The following NACC2 variants were observed in gnomAD, a reference collection of about 807,000 sequenced individuals.
NACC2 encodes nucleus accumbens-associated protein 2.
In NACC2, 8 loss-of-function variants were observed where a neutral mutation model predicts 25.1. That is an observed-to-expected ratio of 0.32 (90% CI 0.19 to 0.57). The LOEUF is 0.57. Ranked by LOEUF, NACC2 falls within the 20% of genes least tolerant of loss-of-function variation. The probability of loss-of-function intolerance (pLI) is 0.89; values close to 1 mark genes in which losing one functional copy is unlikely to be tolerated. For missense variants in NACC2, 644 were observed against 650.2 expected, an observed-to-expected ratio of 0.99 and a Z score of 0.10; for synonymous variants, 435 against 294.7, an observed-to-expected ratio of 1.48 and a Z score of -4.88.
intron 1 of NACC2, among the ~76,000 whole-genome samples, chr9:136,083,152 C>CG (rs1470572453): frequency 1.3e-5 from 2 of 152,216 alleles, no homozygotes; most frequent in East Asian, 3.8e-4. Flanking sequence ...CCTGCTGGAG[C>CG]GGAGGCTGTT....
chr9:136,050,501 G>T lies in NACC2; in HGVS notation c.21C>A (p.Ile7=), dbSNP rs1288189316. 1.2e-5 allele frequency: 9 copies of T among 763,910 alleles called. No homozygotes were observed. The highest frequency in any genetic ancestry group is 3.4e-5 in the Admixed American group (2 of 58,944). The allele number at this position is 763,910 out of a possible 1,614,324, so 47.3% of individuals were successfully genotyped here. Residue 7 remains isoleucine, a synonymous_variant, in exon 2 of 6, where the codon ATC becomes ATA. Transcript: ENST00000277554. MSQMLH[I]EIPNFGNTVL... The stretch of plus-strand genomic sequence containing the variant: ...CTGTGTTCCCGAAGTTGGGGATCTC[G>T]ATGTGCAGCATCTGAGACATGGCGG...
rs984345300 is a variant in NACC2 at position 136,041,219 on chromosome 9, C to T, written c.886+8417G>A. Among the ~76,000 whole-genome samples the T allele has an allele frequency of 1.4e-4, 22 of 152,180 alleles. No individual in the cohort carries two copies. In the South Asian group the frequency reaches 2.9e-3, roughly 20 times the overall value. On this transcript the variant is annotated intron_variant, in intron 2 of 5. Transcript: ENST00000277554. ...GGCAGATCACTTGAGGTCAGGAGTT[C>T]GAGACCAGGCTGGCCAATGTGGTGA...
intron 1 of NACC2, among the ~76,000 whole-genome samples, chr9:136,057,690 G>T (rs573092114): frequency 6.6e-6 from 1 of 152,172 alleles, no homozygotes; most frequent in African/African-American, 2.4e-5. Flanking sequence ...CCCCTGCACC[G>T]GCTCGGCCGG....
At chr9:136,047,157 C>T (rs1840742412) in intron 2 of NACC2, among the ~76,000 whole-genome samples, 1 of 152,112 alleles carries the variant, frequency 6.6e-6, no homozygotes, top group African/African-American at 2.4e-5. Context: ...CACGGCCTGG[C>T]GAGGGCAGCA....
chr9:136,022,014 C>T lies in NACC2; in HGVS notation c.887-5585G>A, dbSNP rs915393826. 6.6e-6 allele frequency among the ~76,000 whole-genome samples: 1 copy of T among 152,170 alleles called. No homozygotes were observed. Among genetic ancestry groups the T allele is most frequent in the Non-Finnish European group, 1.5e-5 (1 of 68,038 alleles). On this transcript the variant is annotated intron_variant, in intron 2 of 5. Coordinates refer to ENST00000277554, the MANE Select transcript of NACC2 (RefSeq NM_144653.5). This position sits in a 1 kb window ranked among gnomAD's most constrained non-coding sequence, Gnocchi z 4.4. ...TTGTGAATGAGGAAAGGTCGGGCTA[C>T]ACACCTGTCCCCACGGGGGCAGCCT...
In NACC2 at chr9:136,012,788, G is replaced by T. The variant is rs141490860; in HGVS notation, c.1255+411C>A. Among the ~76,000 whole-genome samples the T allele has an allele frequency of 8.9e-3, 1,352 of 152,254 alleles. 19 individuals carry two copies. The highest frequency in any genetic ancestry group is 0.031 in the African/African-American group (1,295 of 41,532). On this transcript the variant is annotated intron_variant, in intron 5 of 5. Coordinates refer to ENST00000277554, the MANE Select transcript of NACC2 (RefSeq NM_144653.5). The stretch of plus-strand genomic sequence containing the variant: ...AGTCAGCATCTTCCACATCTGGGGC[G>T]CGGGCCGGGGGCGGCGGTCTGCCCT...
chr9:136,065,811 C>T (rs1303677624), intron 1 of NACC2, among the ~76,000 whole-genome samples: 1 of 136,860 alleles, frequency 7.3e-6, no homozygotes, highest in Non-Finnish European at 1.6e-5. Context: ...ACCCTGTCTC[C>T]AAAAAAAAAA....
rs945593689 is a variant in NACC2, at chr9:136,017,876, G to C, written c.887-1447C>G. ...GCAAGGCCTGCAGGGAAGGCCCCAA[G>C]GCCCAGCCTCCACCTGCCCGATTGC... On this transcript the variant is annotated intron_variant, in intron 2 of 5. Coordinates refer to ENST00000277554, the MANE Select transcript of NACC2 (RefSeq NM_144653.5). Among the ~76,000 whole-genome samples, 10 of 152,214 alleles carry C rather than the reference G, an allele frequency of 6.6e-5. No individual in the cohort carries two copies. The South Asian group carries it at 1.9e-3, about 28-fold the overall frequency.
At chr9:136,064,029 C>T (rs1329935121) in intron 1 of NACC2, among the ~76,000 whole-genome samples, 3 of 152,186 alleles carry the variant, frequency 2.0e-5, no homozygotes, top group Non-Finnish European at 4.4e-5. Context: ...TAACTCAGGC[C>T]TATAATCCCA....
At position 136,033,409 on chromosome 9, in the gene NACC2, T is replaced by C. The variant is rs191324418; in HGVS notation, c.886+16227A>G. On this transcript the variant is annotated intron_variant, in intron 2 of 5. Transcript: ENST00000277554. ...CTGTAATCCCAGCACTTTGGGAGGC[T>C]GATGTGGGCGGATCATCTGAGGTCA... is the stretch of plus-strand genomic sequence containing the variant. Among the ~76,000 whole-genome samples the C allele has an allele frequency of 5.4e-3, 823 of 152,156 alleles. 20 individuals carry two copies. In the East Asian group the frequency reaches 0.061, roughly 11 times the overall value.
rs1840231523 is a variant in NACC2, at chr9:136,018,200, C to G, written c.887-1771G>C. Among the ~76,000 whole-genome samples, 1 of 152,152 alleles carries G rather than the reference C, an allele frequency of 6.6e-6. No individual in the cohort carries two copies. The highest frequency in any genetic ancestry group is 6.5e-5 in the Admixed American group (1 of 15,288). ...GCCATGCTGTCCCTGTTCCCAGTCC[C>G]TCCATGACCCCCACCTTGGAGAGTC... On this transcript the variant is annotated intron_variant, in intron 2 of 5. Coordinates refer to ENST00000277554, the MANE Select transcript of NACC2 (RefSeq NM_144653.5). The surrounding 1 kb of genome is among the most constrained non-coding windows in gnomAD (Gnocchi z 4.4).
chr9:136,047,264 G>A (rs1296789126), intron 2 of NACC2, among the ~76,000 whole-genome samples: 5 of 152,284 alleles, frequency 3.3e-5, no homozygotes, highest in South Asian at 2.1e-4. Context: ...CAGGTCAGGC[G>A]ACGGCCCCTC....
At chr9:136,092,104 G>T (rs1046725876) in intron 1 of NACC2, among the ~76,000 whole-genome samples, 1 of 152,212 alleles carries the variant, frequency 6.6e-6, no homozygotes, top group African/African-American at 2.4e-5. Flanking sequence ...CTGGGGCCCA[G>T]TGGGGAGACA....
chr9:136,030,756 G>A (rs570858050), intron 2 of NACC2, among the ~76,000 whole-genome samples: 2 of 152,246 alleles, frequency 1.3e-5, no homozygotes, highest in African/African-American at 2.4e-5. Flanking sequence ...GCGCCTCCCA[G>A]GTTCAAGCGA....
Position 136,084,400 on chromosome 9 carries a change from G to A in NACC2, c.-60+10789C>T, listed in dbSNP as rs1013601226. Among the ~76,000 whole-genome samples the A allele has an allele frequency of 2.6e-5, 4 of 152,068 alleles. No individual in the cohort carries two copies. The highest frequency in any genetic ancestry group is 6.5e-5 in the Admixed American group (1 of 15,276). On this transcript the variant is annotated intron_variant, in intron 1 of 5. Transcript: ENST00000277554. The surrounding 1 kb of genome is among the most constrained non-coding windows in gnomAD (Gnocchi z 5.1). ...CATCCATCACACAGACACCTCCTAC[G>A]CAATGTCCGGTCTCCGCTGGTGGGG...
At chr9:136,021,640 C>G (rs1184680692) in intron 2 of NACC2, among the ~76,000 whole-genome samples, 1 of 152,226 alleles carries the variant, frequency 6.6e-6, no homozygotes, top group Non-Finnish European at 1.5e-5. Context: ...TCTCCAAAGA[C>G]AGCCTGCACA....
At position 136,007,059 on chromosome 9, in the gene NACC2, A is replaced by G. The variant is rs1313757224; in HGVS notation, c.*4457T>C. On this transcript the variant is annotated 3_prime_UTR_variant, in exon 6 of 6. Coordinates refer to ENST00000277554, the MANE Select transcript of NACC2 (RefSeq NM_144653.5). The stretch of plus-strand genomic sequence containing the variant: ...GTGCCATCCAAATCTTCAAGTCAAA[A>G]ATATTTATACATTTTATACTTAGTT... 1 of 154,350 alleles carries G rather than the reference A, an allele frequency of 6.5e-6. No individual in the cohort carries two copies. Among genetic ancestry groups the G allele is most frequent in the Non-Finnish European group, 1.5e-5 (1 of 68,214 alleles). The allele number at this position is 154,350 out of a possible 1,614,324, so 9.6% of individuals were successfully genotyped here. A position where few individuals can be genotyped will look rare whatever the true frequency, so the allele number is the denominator to read the frequency against.
chr9:136,084,585 C>T lies in NACC2; in HGVS notation c.-60+10604G>A, dbSNP rs929689702. On this transcript the variant is annotated intron_variant, in intron 1 of 5. Transcript: ENST00000277554. The surrounding 1 kb of genome is among the most constrained non-coding windows in gnomAD (Gnocchi z 5.1). ...AAGGCCATGGAAAGGCCACAGAATA[C>T]ACCAGGCTGGAAGAGCCCAGAGACA... Among the ~76,000 whole-genome samples the T allele has an allele frequency of 6.6e-6, 1 of 152,328 alleles. No individual in the cohort carries two copies. The highest frequency in any genetic ancestry group is 2.1e-4 in the South Asian group (1 of 4,828).
intron 2 of NACC2, among the ~76,000 whole-genome samples, chr9:136,024,157 TGTGTGTGTGTGTGTGTGTGTGAGGACGGA>T (rs1840341046): frequency 3.3e-5 from 1 of 30,462 alleles, no homozygotes. Context: ...GGGGACAGAG[TGTGTGTGTGTGTGTGTGTGTGAGGACGGA>T]GTGTGTGTGT....
Sources: gnomAD v4.1 joint callset for allele counts (sites outside exome capture counted in the v4.1 genomes callset) on GRCh38, gnomAD v4.1.1 for gene constraint, Gnocchi (gnomAD v3.1) non-coding constraint, MANE v1.5 for transcripts, NCBI Gene and HGNC (gene_info 2026-07-23, HGNC 2026-07-21) for gene names.